ROBO2: variants seen among roughly 807,000 people sequenced by gnomAD.
The protein encoded by ROBO2 is roundabout guidance receptor 2, also known as roundabout homolog 2.
A neutral mutation model predicts 160.8 loss-of-function variants in ROBO2; 53 were observed. That is an observed-to-expected ratio of 0.33 (90% CI 0.26 to 0.41). The LOEUF (loss-of-function observed/expected upper bound fraction) is 0.41. ROBO2 is among the 10% of genes least tolerant of loss of function. ROBO2 has a pLI of 1.00. For synonymous variants in ROBO2, 664 were observed against 611.7 expected, an observed-to-expected ratio of 1.09 and a Z score of -1.26; for missense variants, 1,577 against 1,722.4, an observed-to-expected ratio of 0.92 and a Z score of 1.49.
chr3:77,643,756 A>G (rs1243620744), intron 24 of ROBO2, among the ~76,000 whole-genome samples: 4 of 152,216 alleles, frequency 2.6e-5, no homozygotes, highest in Admixed American at 6.5e-5. Flanking sequence ...TGCATTTCCC[A>G]TAACTACATT....
At chr3:77,514,095 T>C (rs539943442) in intron 5 of ROBO2, among the ~76,000 whole-genome samples, 181 of 151,818 alleles carry the variant, frequency 1.2e-3, no homozygotes, top group African/African-American at 4.1e-3. Context: ...ACCTTCTACA[T>C]TGACACTGAT....
At chr3:77,453,541 A>C (rs564935893) in intron 2 of ROBO2, among the ~76,000 whole-genome samples, 1 of 152,256 alleles carries the variant, frequency 6.6e-6, no homozygotes, top group South Asian at 2.1e-4. Context: ...TCCTCAATTT[A>C]CAGATGCTAA....
At chr3:76,605,810 T>C (rs973866621) in intron 2 of ROBO2, among the ~76,000 whole-genome samples, 7 of 152,146 alleles carry the variant, frequency 4.6e-5, no homozygotes, top group Admixed American at 1.3e-4. Context: ...CTCCCCCCCT[T>C]ATTTGATAGG....
intron 2 of ROBO2, among the ~76,000 whole-genome samples, chr3:76,857,382 A>T (rs1227665497): frequency 1.3e-5 from 2 of 152,170 alleles, no homozygotes; most frequent in African/African-American, 2.4e-5. Context: ...TTCTGTTTTT[A>T]ATTACCTATA....
At chr3:76,319,249 C>G (rs555747235) in intron 2 of ROBO2, among the ~76,000 whole-genome samples, 2 of 152,138 alleles carry the variant, frequency 1.3e-5, no homozygotes, top group South Asian at 4.1e-4. Flanking sequence ...GTTCCAAAGT[C>G]TTTTATTGAT....
Position 76,879,331 on chromosome 3 carries a change from A to T in ROBO2, c.110-218683A>T, listed in dbSNP as rs1257640438. ...CTGGTTAATGTAGATTTTCCAACTT[A>T]GTAGGTCTGGGGTGTGTGTCTAAGA... On this transcript the variant is annotated intron_variant, in intron 2 of 26. Transcript: ENST00000487694. 2.0e-5 allele frequency among the ~76,000 whole-genome samples: 3 copies of T among 152,212 alleles called. No individual in the cohort carries two copies. In the East Asian group the frequency reaches 5.8e-4, roughly 29 times the overall value.
intron 1 of ROBO2, among the ~76,000 whole-genome samples, chr3:77,080,386 A>T (rs1436860835): frequency 6.6e-6 from 1 of 152,160 alleles, no homozygotes; most frequent in African/African-American, 2.4e-5. Flanking sequence ...TACAAATTGG[A>T]TTAAAAGAAA....
intron 5 of ROBO2, among the ~76,000 whole-genome samples, chr3:77,494,160 T>G (rs1398201331): frequency 6.6e-6 from 1 of 152,256 alleles, no homozygotes; most frequent in African/African-American, 2.4e-5. Flanking sequence ...TAATTTTATC[T>G]TTAAGATTTG....
chr3:76,214,159 C>T (rs149886237), intron 2 of ROBO2, among the ~76,000 whole-genome samples: 1,547 of 152,234 alleles, frequency 0.01, 9 homozygotes, highest in South Asian at 0.016. Flanking sequence ...TATACTTGCT[C>T]TTCAAATAAA....
intron 2 of ROBO2, among the ~76,000 whole-genome samples, chr3:76,131,750 A>C (rs2071231189): frequency 6.6e-6 from 1 of 152,166 alleles, no homozygotes; most frequent in African/African-American, 2.4e-5. Context: ...TGATATAAAA[A>C]CAAGTGAGCA....
intron 2 of ROBO2, among the ~76,000 whole-genome samples, chr3:77,325,278 AAG>A (rs2065261323): frequency 1.3e-5 from 2 of 152,214 alleles, no homozygotes; most frequent in Non-Finnish European, 2.9e-5. Context: ...TCAGTGACTG[AAG>A]AAGTCAAACA....
chr3:76,864,508 G>A (rs1013275766), intron 2 of ROBO2, among the ~76,000 whole-genome samples: 1 of 151,732 alleles, frequency 6.6e-6, no homozygotes, highest in Non-Finnish European at 1.5e-5. Context: ...TGTCTCTAGG[G>A]TAGAATTGCC....
chr3:76,037,586 G>A (rs1445434512), intron 2 of ROBO2, among the ~76,000 whole-genome samples: 1 of 151,806 alleles, frequency 6.6e-6, no homozygotes, highest in Non-Finnish European at 1.5e-5. Flanking sequence ...GCTTTACTCA[G>A]TACATACATA....
rs1432012283 is a variant in ROBO2 at position 76,273,701 on chromosome 3, C to A, written c.109+336099C>A. Among the ~76,000 whole-genome samples the A allele has an allele frequency of 3.3e-5, 5 of 152,154 alleles. No individual in the cohort carries two copies. The South Asian group carries it at 1.0e-3, about 32-fold the overall frequency. On this transcript the variant is annotated intron_variant, in intron 2 of 26. Coordinates refer to the ROBO2 transcript ENST00000487694. ...GAGAACTCACTCACCATCATGAGAA[C>A]TCACTCACGATCATGAGCAGAGCAG...
chr3:76,334,117 TG>T (rs1343211486), intron 2 of ROBO2, among the ~76,000 whole-genome samples: 1 of 152,134 alleles, frequency 6.6e-6, no homozygotes, highest in East Asian at 1.9e-4. Context: ...GTTGTGCACA[TG>T]TACCCTAGAA....
At chr3:77,324,353 G>A (rs1167459114) in intron 2 of ROBO2, among the ~76,000 whole-genome samples, 1 of 152,208 alleles carries the variant, frequency 6.6e-6, no homozygotes, top group East Asian at 1.9e-4. Flanking sequence ...AACTGCATCT[G>A]TGAGTAATGC....
chr3:76,342,082 C>T (rs1166948469), intron 2 of ROBO2, among the ~76,000 whole-genome samples: 1 of 152,100 alleles, frequency 6.6e-6, no homozygotes, highest in African/African-American at 2.4e-5. Context: ...TCCTGGTAGA[C>T]AATCTAATTA....
intron 2 of ROBO2, among the ~76,000 whole-genome samples, chr3:76,467,425 T>TAAATAAATAAA (rs2078421600): frequency 1.3e-5 from 2 of 152,032 alleles, no homozygotes; most frequent in South Asian, 4.1e-4. Flanking sequence ...AAAATACACA[T>TAAATAAATAAA]GTTTAGAAAT....
chr3:76,165,156 G>A (rs12488427), intron 2 of ROBO2, among the ~76,000 whole-genome samples: 6,980 of 152,202 alleles, frequency 0.046, 363 homozygotes, highest in East Asian at 0.22. Flanking sequence ...TCTTCTTCCA[G>A]TACGAGGCTG....
Sources: gnomAD v4.1 joint callset for allele counts (sites outside exome capture counted in the v4.1 genomes callset) on GRCh38, gnomAD v4.1.1 for gene constraint, MANE v1.5 for transcripts, NCBI Gene and HGNC (gene_info 2026-07-23, HGNC 2026-07-21) for gene names.